Variants in TC2N observed in about 807,000 individuals in gnomAD.
The protein encoded by TC2N is tandem C2 domains nuclear protein.
A neutral mutation model predicts 61.9 loss-of-function variants in TC2N; 51 were observed. The observed-to-expected ratio is 0.82, with a 90% confidence interval of 0.66 to 1.04. The LOEUF (loss-of-function observed/expected upper bound fraction) is 1.04, where lower values mean the gene tolerates loss of function less well. Ranked by LOEUF, TC2N falls within the 50% of genes least tolerant of loss-of-function variation. The pLI is 0.00. For synonymous variants in TC2N, 204 were observed against 192.6 expected, an observed-to-expected ratio of 1.06 and a Z score of -0.49; for missense variants, 556 against 566.7, an observed-to-expected ratio of 0.98 and a Z score of 0.19.
rs1489485156 is a variant in TC2N, at chr14:91,812,583, A to G, written c.68-38T>C. On this transcript the variant is annotated intron_variant, in intron 2 of 11. Coordinates refer to ENST00000435962, the MANE Select transcript of TC2N (RefSeq NM_001128596.3). ...GAAAAAAAAAGTCACAAATATGAAT[A>G]TAGGTTACATATAATAATCTAAACC... 1.0e-5 allele frequency: 10 copies of G among 994,150 alleles called. No homozygotes were observed. The Admixed American group carries it at 2.0e-4, about 20-fold the overall frequency. The allele number at this position is 994,150 out of a possible 1,614,324, so 61.6% of individuals were successfully genotyped here.
chr14:91,803,380 T>TACACACAC (rs57274606), intron 3 of TC2N, among the ~76,000 whole-genome samples: 49 of 145,520 alleles, frequency 3.4e-4, no homozygotes, highest in African/African-American at 9.6e-4. Flanking sequence ...CATACATATA[T>TACACACAC]ACACACACAC....
chr14:91,853,056 G>A (rs1888406487), intron 1 of TC2N, among the ~76,000 whole-genome samples: 1 of 152,176 alleles, frequency 6.6e-6, no homozygotes, highest in African/African-American at 2.4e-5. Flanking sequence ...GGGCGACAGA[G>A]AGAGACTCCA....
At chr14:91,857,252 T>C (rs973345743) in intron 1 of TC2N, among the ~76,000 whole-genome samples, 1 of 152,254 alleles carries the variant, frequency 6.6e-6, no homozygotes, top group African/African-American at 2.4e-5. Context: ...ACCCATAGTG[T>C]ATTTCCAGAG....
intron 1 of TC2N, among the ~76,000 whole-genome samples, chr14:91,851,227 A>T (rs1888368983): frequency 6.6e-6 from 1 of 152,194 alleles, no homozygotes; most frequent in Non-Finnish European, 1.5e-5. Context: ...CACTGTTCTG[A>T]AGGACTATTT....
chr14:91,846,263 T>A (rs1390146047), intron 1 of TC2N, among the ~76,000 whole-genome samples: 1 of 152,200 alleles, frequency 6.6e-6, no homozygotes, highest in African/African-American at 2.4e-5. Flanking sequence ...GGGTTCTATC[T>A]GCAATGGCCT....
chr14:91,796,273 CATAT>C (rs1162702665), intron 8 of TC2N, among the ~76,000 whole-genome samples: 2 of 151,862 alleles, frequency 1.3e-5, no homozygotes, highest in African/African-American at 2.4e-5. Context: ...CACATACATA[CATAT>C]ATACACATTC....
chr14:91,864,521 A>C (rs550781603), intron 1 of TC2N, among the ~76,000 whole-genome samples: 20 of 152,348 alleles, frequency 1.3e-4, no homozygotes, highest in African/African-American at 4.6e-4. Context: ...TTTAAAGCAT[A>C]GTAGCTATCG....
intron 1 of TC2N, among the ~76,000 whole-genome samples, chr14:91,862,373 A>G (rs1233668396): frequency 6.6e-6 from 1 of 151,702 alleles, no homozygotes; most frequent in African/African-American, 2.4e-5. Flanking sequence ...GAGAAAAAGA[A>G]GTAAAGCATG....
intron 1 of TC2N, among the ~76,000 whole-genome samples, chr14:91,818,545 T>A (rs1015737031): frequency 6.6e-6 from 1 of 151,300 alleles, no homozygotes; most frequent in African/African-American, 2.4e-5. Context: ...AGCAAAAAAA[T>A]ATATAGAACC....
At chr14:91,806,782 T>G (rs1487839321) in intron 3 of TC2N, among the ~76,000 whole-genome samples, 1 of 152,036 alleles carries the variant, frequency 6.6e-6, no homozygotes, top group Admixed American at 6.5e-5. Flanking sequence ...TCAAGCCACC[T>G]GCAGAAATTT....
chr14:91,832,203 A>G (rs11848163), intron 1 of TC2N, among the ~76,000 whole-genome samples: 2,179 of 152,240 alleles, frequency 0.014, 57 homozygotes, highest in African/African-American at 0.05. Flanking sequence ...AGCCTGGCCA[A>G]CATGGTAAAA....
intron 1 of TC2N, among the ~76,000 whole-genome samples, chr14:91,847,388 G>A (rs1448263683): frequency 6.6e-6 from 1 of 152,190 alleles, no homozygotes; most frequent in Admixed American, 6.5e-5. Context: ...CATAGTGACT[G>A]GTCAACCAGC....
chr14:91,791,486 C>T (rs1017366858), intron 9 of TC2N, among the ~76,000 whole-genome samples: 207 of 152,142 alleles, frequency 1.4e-3, no homozygotes, highest in African/African-American at 4.0e-3. Flanking sequence ...TCAATCTATA[C>T]AATTTAATTA....
At chr14:91,790,191 CG>C (rs1885578124) in intron 9 of TC2N, among the ~76,000 whole-genome samples, 1 of 152,128 alleles carries the variant, frequency 6.6e-6, no homozygotes, top group Non-Finnish European at 1.5e-5. Flanking sequence ...TTCAGGAAAA[CG>C]TATTTCTTCC....
chr14:91,808,645 C>T (rs1170485554), intron 3 of TC2N, among the ~76,000 whole-genome samples: 3 of 152,192 alleles, frequency 2.0e-5, no homozygotes, highest in African/African-American at 7.2e-5. Context: ...ACCACTTCTT[C>T]AGTGAACCTA....
chr14:91,824,011 T>C (rs948389396), intron 1 of TC2N, among the ~76,000 whole-genome samples: 1 of 152,206 alleles, frequency 6.6e-6, no homozygotes, highest in African/African-American at 2.4e-5. Context: ...TTTGCTGTCA[T>C]CAGCGGCATC....
intron 3 of TC2N, among the ~76,000 whole-genome samples, chr14:91,811,847 C>T (rs1886782265): frequency 6.6e-6 from 1 of 151,950 alleles, no homozygotes; most frequent in Admixed American, 6.6e-5. Context: ...ATAACCTATG[C>T]ACATCCTCCC....
chr14:91,783,251 T>C lies in TC2N; in HGVS notation c.1363-41A>G. ...TGTACAATCATTTAACTTGACACAA[T>C]AATAATAACTACATTCAGACAGTTA... On this transcript the variant is annotated intron_variant, in intron 11 of 11. Transcript: ENST00000435962. 2.7e-6 allele frequency: 3 copies of C among 1,110,466 alleles called. No homozygotes were observed. In the South Asian group the frequency reaches 4.0e-5, roughly 15 times the overall value. The allele number at this position is 1,110,466 out of a possible 1,614,324, so 68.8% of individuals were successfully genotyped here.
intron 10 of TC2N, among the ~76,000 whole-genome samples, chr14:91,786,582 T>A (rs772927147): frequency 1.3e-5 from 2 of 152,210 alleles, no homozygotes; most frequent in Admixed American, 6.5e-5. Flanking sequence ...TTCTTAAGAT[T>A]CTACTTTCAA....
Sources: allele counts gnomAD v4.1 joint callset (sites outside exome capture counted in the v4.1 genomes callset), GRCh38; gene constraint gnomAD v4.1.1; transcripts MANE v1.5; gene names NCBI Gene and HGNC (gene_info 2026-07-23, HGNC 2026-07-21).